The following SHTN1 variants were observed in gnomAD, a reference collection of about 807,000 sequenced individuals.
SHTN1 encodes shootin 1, also known as shootin-1.
Under a neutral mutation model 83.1 loss-of-function variants are expected in SHTN1, and 42 were observed. The ratio of observed to expected loss-of-function variants is 0.51; its 90% CI spans 0.39 to 0.65. SHTN1 has a LOEUF of 0.65. SHTN1 is among the 30% of genes least tolerant of loss of function. SHTN1 has a pLI of 0.00. For synonymous variants in SHTN1, 224 were observed against 247.7 expected (o/e 0.90, Z 0.90); for missense variants, 622 against 737.8 (o/e 0.84, Z 1.82).
chr10:116,928,297 T>C (rs1466713220), intron 10 of SHTN1, among the ~76,000 whole-genome samples: 2 of 152,322 alleles, frequency 1.3e-5, no homozygotes, highest in Admixed American at 1.3e-4. Context: ...AGTAATGAAA[T>C]TTAATAGCTG....
At chr10:117,091,950 T>C (rs1853435992) in intron 1 of SHTN1, among the ~76,000 whole-genome samples, 1 of 152,220 alleles carries the variant, frequency 6.6e-6, no homozygotes, top group Non-Finnish European at 1.5e-5. Flanking sequence ...GACTGCCATG[T>C]GTCAAGTGAT....
chr10:116,924,382 T>C (rs565875868), intron 11 of SHTN1, among the ~76,000 whole-genome samples: 1 of 140,162 alleles, frequency 7.1e-6, no homozygotes, highest in East Asian at 2.0e-4. Flanking sequence ...AGCAGGAATT[T>C]ATCTGTACTG....
intron 10 of SHTN1, among the ~76,000 whole-genome samples, chr10:116,929,411 T>C (rs1183598359): frequency 6.6e-6 from 1 of 152,212 alleles, no homozygotes; most frequent in East Asian, 1.9e-4. Context: ...ATTTCATGTG[T>C]ATTATTAGAC....
chr10:116,982,540 C>A (rs1851063429), intron 1 of SHTN1, among the ~76,000 whole-genome samples: 1 of 152,158 alleles, frequency 6.6e-6, no homozygotes. Flanking sequence ...TACGGGGTCG[C>A]AGAGAAAGCT....
chr10:116,949,792 T>G (rs1849711271), intron 6 of SHTN1, among the ~76,000 whole-genome samples: 1 of 151,944 alleles, frequency 6.6e-6, no homozygotes. Flanking sequence ...ATATAAATAC[T>G]CCCACAAAAA....
intron 9 of SHTN1, among the ~76,000 whole-genome samples, chr10:116,938,151 G>A (rs1849240693): frequency 6.6e-6 from 1 of 151,832 alleles, no homozygotes; most frequent in Admixed American, 6.6e-5. Flanking sequence ...CCAACCTTCT[G>A]AAGCCTACTT....
chr10:116,990,287 C>CTTTTTTTTTTTTTTTTTTTTTTTTTTT (rs11399364), intron 1 of SHTN1, among the ~76,000 whole-genome samples: 3 of 119,910 alleles, frequency 2.5e-5, no homozygotes, highest in Non-Finnish European at 3.3e-5. Flanking sequence ...TTTTTTCTTT[C>CTTTTTTTTTTTTTTTTTTTTTTTTTTT]TTTTTTTTTT....
intron 3 of SHTN1, among the ~76,000 whole-genome samples, chr10:116,967,145 T>G (rs749201373): frequency 4.6e-5 from 7 of 152,254 alleles, no homozygotes; most frequent in Non-Finnish European, 7.3e-5. Context: ...ATCTGCAGAA[T>G]GATGGAGAAA....
rs1272920446 is a variant in SHTN1, at chr10:116,979,270, T to C, written c.97A>G (p.Lys33Glu). The C allele has an allele frequency of 6.2e-7, 1 of 1,613,964 alleles. No homozygotes were observed. Among genetic ancestry groups the C allele is most frequent in the Non-Finnish European group, 8.5e-7 (1 of 1,179,862 alleles). Reference protein sequence around the residue: ...EYEDLRAENQKTKEKCDKIRQ... With the variant: ...EYEDLRAENQETKEKCDKIRQ... Reference sequence around the variant, plus strand: ...AAAGTACAAACCTTCTCCTTTGTTTTCTGGTTCTCTGCTCTAAGGTCTTCA... The same window carrying C: ...AAAGTACAAACCTTCTCCTTTGTTTCCTGGTTCTCTGCTCTAAGGTCTTCA... The change falls in exon 2 of 17, where the codon AAA becomes GAA. Residue 33 changes from lysine (K) to glutamate (E), a missense_variant. This residue lies in a region of SHTN1 where 383 missense variants were observed against 455.8 expected (regional missense o/e 0.84). Coordinates refer to ENST00000355371, the MANE Select transcript of SHTN1 (RefSeq NM_001127211.3).
intron 1 of SHTN1, among the ~76,000 whole-genome samples, chr10:117,124,728 C>G (rs761549615): frequency 6.6e-6 from 1 of 151,746 alleles, no homozygotes; most frequent in Admixed American, 6.6e-5. Flanking sequence ...GAGCTGAGAT[C>G]GCACCACTGC....
chr10:117,058,930 T>C (rs1434766275), intron 1 of SHTN1, among the ~76,000 whole-genome samples: 1 of 152,150 alleles, frequency 6.6e-6, no homozygotes, highest in East Asian at 1.9e-4. Context: ...GATACCTAGA[T>C]AGTCATATTC....
chr10:117,115,444 T>C (rs1246599145), intron 1 of SHTN1, among the ~76,000 whole-genome samples: 3 of 152,240 alleles, frequency 2.0e-5, no homozygotes, highest in Non-Finnish European at 4.4e-5. Flanking sequence ...GTTTTCTTTC[T>C]TTCTCACAGT....
chr10:116,985,015 T>A (rs1041500942), intron 1 of SHTN1, among the ~76,000 whole-genome samples: 1 of 152,226 alleles, frequency 6.6e-6, no homozygotes, highest in Non-Finnish European at 1.5e-5. Flanking sequence ...TGTTACTTCT[T>A]CTAAGAAGCC....
At chr10:116,949,515 T>C (rs2133416397) in intron 6 of SHTN1, among the ~76,000 whole-genome samples, 1 of 152,280 alleles carries the variant, frequency 6.6e-6, no homozygotes, top group South Asian at 2.1e-4. Context: ...ATACTCAATT[T>C]TGGTATTCAT....
chr10:116,928,384 C>T (rs1679623205), intron 10 of SHTN1, among the ~76,000 whole-genome samples: 1 of 152,154 alleles, frequency 6.6e-6, no homozygotes, highest in South Asian at 2.1e-4. Context: ...GATTCAGCTT[C>T]CTAAATCTGT....
At chr10:117,085,525 C>G (rs182814383) in intron 1 of SHTN1, among the ~76,000 whole-genome samples, 2 of 152,130 alleles carry the variant, frequency 1.3e-5, no homozygotes, top group African/African-American at 4.8e-5. Flanking sequence ...TTCTAAGGTA[C>G]GTTTTATAGC....
intron 1 of SHTN1, among the ~76,000 whole-genome samples, chr10:117,119,564 G>A (rs1222206148): frequency 6.6e-6 from 1 of 152,178 alleles, no homozygotes; most frequent in African/African-American, 2.4e-5. Flanking sequence ...AGGATGTGGA[G>A]AAAAGGGAAC....
At chr10:117,022,327 A>G (rs1226137074) in intron 2 of SHTN1, among the ~76,000 whole-genome samples, 1 of 152,220 alleles carries the variant, frequency 6.6e-6, no homozygotes, top group Non-Finnish European at 1.5e-5. Flanking sequence ...ACAATAAACA[A>G]TTACTAAAGC....
At chr10:117,089,758 C>A (rs1041172683) in intron 1 of SHTN1, among the ~76,000 whole-genome samples, 2 of 151,706 alleles carry the variant, frequency 1.3e-5, no homozygotes, top group African/African-American at 4.8e-5. Flanking sequence ...AACAAACAAG[C>A]TGACTCAAAA....
Sources: allele counts gnomAD v4.1 joint callset (sites outside exome capture counted in the v4.1 genomes callset), GRCh38; gene constraint gnomAD v4.1.1; regional missense constraint gnomAD v4.1.1; transcripts MANE v1.5; gene names NCBI Gene and HGNC (gene_info 2026-07-23, HGNC 2026-07-21).